Variants in ALK observed in about 807,000 individuals in gnomAD.
ALK encodes ALK receptor tyrosine kinase.
Under a neutral mutation model 163.1 loss-of-function variants are expected in ALK, and 74 were observed. The observed-to-expected ratio is 0.45, with a 90% CI of 0.38 to 0.55. The LOEUF (loss-of-function observed/expected upper bound fraction) is 0.55, where lower values mean the gene tolerates loss of function less well. ALK is among the 20% of genes least tolerant of loss of function. The pLI, the probability that ALK is intolerant of heterozygous loss-of-function variation, is 0.00. For synonymous variants in ALK, 960 were observed against 843.2 expected, an observed-to-expected ratio of 1.14 and a Z score of -2.40; for missense variants, 2,063 against 2,105.3, an observed-to-expected ratio of 0.98 and a Z score of 0.39.
chr2:29,385,382 G>GT (rs59445973), intron 4 of ALK, among the ~76,000 whole-genome samples: 8,893 of 138,234 alleles, frequency 0.064, 313 homozygotes, highest in Non-Finnish European at 0.082. Flanking sequence ...CTGTCAGGTT[G>GT]TTTTTTTTTT....
intron 3 of ALK, among the ~76,000 whole-genome samples, chr2:29,558,817 T>C (rs1673934682): frequency 6.6e-6 from 1 of 152,212 alleles, no homozygotes; most frequent in Non-Finnish European, 1.5e-5. Flanking sequence ...TCATTCATTC[T>C]CTGCACCATT....
At chr2:29,765,657 A>T (rs1000454473) in intron 1 of ALK, among the ~76,000 whole-genome samples, 3 of 152,084 alleles carry the variant, frequency 2.0e-5, no homozygotes, top group Non-Finnish European at 4.4e-5. Flanking sequence ...ATTTAAATTT[A>T]AAAATGCATG....
In ALK at chr2:29,373,193, C is replaced by T. The variant is rs186677280; in HGVS notation, c.1282+10539G>A. On this transcript the variant is annotated intron_variant, in intron 5 of 28. Transcript: ENST00000389048. ...CAGAGTGGCAATTGCACATTGAATA[C>T]TAAGGATGATGTAAAACTAATAAAT... Among the ~76,000 whole-genome samples the T allele has an allele frequency of 4.7e-4, 72 of 152,156 alleles. 2 individuals are homozygous for T. In the South Asian group the frequency reaches 8.3e-3, roughly 18 times the overall value.
At chr2:29,907,011 G>A (rs569412660) in intron 1 of ALK, 2 of 121,564 alleles carry the variant, frequency 1.6e-5, no homozygotes, top group African/African-American at 6.2e-5. Flanking sequence ...GTGCAGTGGC[G>A]CAATCTCAGC....
chr2:29,557,850 A>AG (rs769757133), intron 3 of ALK, among the ~76,000 whole-genome samples: 1 of 152,160 alleles, frequency 6.6e-6, no homozygotes, highest in Non-Finnish European at 1.5e-5. Context: ...GCATGTATCT[A>AG]GTCTCCCGTC....
intron 11 of ALK, among the ~76,000 whole-genome samples, chr2:29,260,908 T>A (rs1665071156): frequency 6.6e-6 from 1 of 152,200 alleles, no homozygotes; most frequent in Admixed American, 6.5e-5. Flanking sequence ...TGACTGTTTC[T>A]TTCCTTCACT....
intron 3 of ALK, among the ~76,000 whole-genome samples, chr2:29,658,954 T>C (rs1419325183): frequency 1.3e-5 from 2 of 152,088 alleles, no homozygotes; most frequent in African/African-American, 2.4e-5. Flanking sequence ...TATGAAGTTT[T>C]CAGCAAAACG....
rs533733802 is a variant in ALK, at chr2:29,249,752, C to T, written c.2204+1353G>A. On this transcript the variant is annotated intron_variant, in intron 12 of 28. Coordinates refer to ENST00000389048, the MANE Select transcript of ALK (RefSeq NM_004304.5). ...TCCTCTCCAGGAGTCCTTTCCTCCC[C>T]GCCCTGGGCCCCACGGAGGCTTGGC... Among the ~76,000 whole-genome samples, 68 of 152,294 alleles carry T rather than the reference C, an allele frequency of 4.5e-4. 2 individuals are homozygous for T. The South Asian group carries it at 1.0e-2, about 22-fold the overall frequency.
At chr2:29,756,871 G>A (rs1308318949) in intron 1 of ALK, among the ~76,000 whole-genome samples, 1 of 152,160 alleles carries the variant, frequency 6.6e-6, no homozygotes, top group Non-Finnish European at 1.5e-5. Context: ...TAGGGATTAG[G>A]AACATTACAG....
At chr2:29,377,914 T>G (rs1668797984) in intron 5 of ALK, among the ~76,000 whole-genome samples, 1 of 152,174 alleles carries the variant, frequency 6.6e-6, no homozygotes, top group South Asian at 2.1e-4. Flanking sequence ...AGAAGCAATG[T>G]GTATGAAATT....
chr2:29,491,260 C>A (rs1021680252), intron 4 of ALK, among the ~76,000 whole-genome samples: 1 of 152,160 alleles, frequency 6.6e-6, no homozygotes, highest in Admixed American at 6.5e-5. Context: ...GGGCTCAAAG[C>A]CCCTGTAGAG....
At chr2:29,262,560 G>A (rs1665115239) in intron 11 of ALK, among the ~76,000 whole-genome samples, 1 of 152,220 alleles carries the variant, frequency 6.6e-6, no homozygotes, top group Non-Finnish European at 1.5e-5. Context: ...TCACACACAT[G>A]ATCTCATTTT....
intron 3 of ALK, among the ~76,000 whole-genome samples, chr2:29,683,032 A>G (rs1285509611): frequency 6.6e-6 from 1 of 152,208 alleles, no homozygotes; most frequent in African/African-American, 2.4e-5. Flanking sequence ...CTAGGAAAGG[A>G]GTAATACTCA....
In ALK at chr2:29,396,375, C is replaced by T. The variant is rs1019326588; in HGVS notation, c.1155-12516G>A. Among the ~76,000 whole-genome samples the T allele has an allele frequency of 3.3e-5, 5 of 152,266 alleles. No individual in the cohort carries two copies. In the South Asian group the frequency reaches 1.0e-3, roughly 32 times the overall value. On this transcript the variant is annotated intron_variant, in intron 4 of 28. Coordinates refer to ENST00000389048, the MANE Select transcript of ALK (RefSeq NM_004304.5). ...TTCTACACCCCGTGTCAGGAATAAT[C>T]TCTTTAAAACTCAAACATGGCCGGG... is the stretch of plus-strand genomic sequence containing the variant.
chr2:29,409,135 G>A (rs545530872), intron 4 of ALK, among the ~76,000 whole-genome samples: 3 of 152,258 alleles, frequency 2.0e-5, no homozygotes, highest in South Asian at 4.2e-4. Flanking sequence ...ATCTGATAAC[G>A]TGCAACCCAA....
intron 1 of ALK, among the ~76,000 whole-genome samples, chr2:29,854,412 T>C (rs902523257): frequency 1.3e-5 from 2 of 151,838 alleles, no homozygotes; most frequent in Admixed American, 6.6e-5. Flanking sequence ...AACCTCCCCC[T>C]CTCTCTCTCT....
At position 29,785,956 on chromosome 2, in the gene ALK, CACAT is replaced by C. The variant is rs879419028; in HGVS notation, c.668-68263_668-68260del. 8.3e-3 allele frequency among the ~76,000 whole-genome samples: 1,029 copies of C among 123,404 alleles called. 15 individuals carry two copies. Among genetic ancestry groups the C allele is most frequent in the African/African-American group, 0.04 (941 of 23,432 alleles). The allele number at this position is 123,404 out of a possible 152,430, so 81.0% of individuals were successfully genotyped here. A position where few individuals can be genotyped will look rare whatever the true frequency, so the allele number is the denominator to read the frequency against. ...ACACACACACACACACACACACACA[CACAT>C]TACCCTCTCTGCAAGGTTGGAACTA... On this transcript the variant is annotated intron_variant, in intron 1 of 28. Transcript: ENST00000389048.
At chr2:29,217,181 G>C (rs932573900) in intron 23 of ALK, among the ~76,000 whole-genome samples, 2 of 150,954 alleles carry the variant, frequency 1.3e-5, no homozygotes, top group Non-Finnish European at 2.9e-5. Flanking sequence ...TCTGTGTGTT[G>C]TGTACATGTG....
chr2:29,826,496 C>T (rs1027331795), intron 1 of ALK, among the ~76,000 whole-genome samples: 2 of 151,902 alleles, frequency 1.3e-5, no homozygotes, highest in African/African-American at 4.8e-5. Context: ...GTCTCTCTCT[C>T]TCTGTCTCTT....
Sources: allele counts gnomAD v4.1 joint callset (sites outside exome capture counted in the v4.1 genomes callset), GRCh38; gene constraint gnomAD v4.1.1; transcripts MANE v1.5; gene names NCBI Gene and HGNC (gene_info 2026-07-23, HGNC 2026-07-21).